The following PPP1R9A variants were observed in gnomAD, a reference collection of about 807,000 sequenced individuals.
PPP1R9A encodes the protein protein phosphatase 1 regulatory subunit 9A.
A neutral mutation model predicts 141.9 loss-of-function variants in PPP1R9A; 59 were observed. The observed-to-expected ratio is 0.42, with a 90% CI of 0.34 to 0.52. The LOEUF (loss-of-function observed/expected upper bound fraction) is 0.52, where lower values mean the gene tolerates loss of function less well. Among genes scored for constraint, PPP1R9A ranks in the 20% least tolerant of loss-of-function variants. PPP1R9A has a pLI of 0.10. For synonymous variants in PPP1R9A, 500 were observed against 569.7 expected, an observed-to-expected ratio of 0.88 and a Z score of 1.74; for missense variants, 1,444 against 1,611.9, an observed-to-expected ratio of 0.90 and a Z score of 1.78.
At chr7:95,031,918 C>G (rs1453933565) in intron 2 of PPP1R9A, among the ~76,000 whole-genome samples, 1 of 152,170 alleles carries the variant, frequency 6.6e-6, no homozygotes, top group East Asian at 1.9e-4. Context: ...GTCAGTCACT[C>G]AGCTAGTAAA....
chr7:95,195,092 C>A (rs1366739195), intron 5 of PPP1R9A, among the ~76,000 whole-genome samples: 1 of 152,050 alleles, frequency 6.6e-6, no homozygotes, highest in Non-Finnish European at 1.5e-5. Flanking sequence ...TGAAACAATT[C>A]ATTATCCATT....
chr7:95,146,810 T>G (rs147865236), intron 4 of PPP1R9A, among the ~76,000 whole-genome samples: 1 of 152,142 alleles, frequency 6.6e-6, no homozygotes, highest in Non-Finnish European at 1.5e-5. Context: ...TGGTTGTAGA[T>G]GTGTGGTGTT....
At chr7:95,046,488 A>G (rs1267380475) in intron 2 of PPP1R9A, among the ~76,000 whole-genome samples, 1 of 152,100 alleles carries the variant, frequency 6.6e-6, no homozygotes, top group African/African-American at 2.4e-5. Context: ...AACCTTTTGG[A>G]CTCTGCTATT....
At chr7:95,032,762 A>G (rs1033565704) in intron 2 of PPP1R9A, among the ~76,000 whole-genome samples, 1 of 152,210 alleles carries the variant, frequency 6.6e-6, no homozygotes, top group African/African-American at 2.4e-5. Flanking sequence ...ATTACAAAAT[A>G]TATACAAAAG....
intron 2 of PPP1R9A, among the ~76,000 whole-genome samples, chr7:95,094,436 G>T (rs1186433453): frequency 1.3e-5 from 2 of 152,150 alleles, no homozygotes; most frequent in East Asian, 3.9e-4. Context: ...CCGTCTTCCA[G>T]TGCTGTTTCC....
At chr7:94,920,658 A>G (rs1236980195) in intron 2 of PPP1R9A, among the ~76,000 whole-genome samples, 1 of 152,204 alleles carries the variant, frequency 6.6e-6, no homozygotes, top group African/African-American at 2.4e-5. Flanking sequence ...TGCCGGGGAA[A>G]GCTAATCTTC....
At chr7:95,023,571 T>G (rs1467344368) in intron 2 of PPP1R9A, among the ~76,000 whole-genome samples, 3 of 152,100 alleles carry the variant, frequency 2.0e-5, no homozygotes, top group Non-Finnish European at 4.4e-5. Context: ...TTTGTTTGTT[T>G]GAGATGGAGT....
chr7:95,059,395 T>A (rs1343148858), intron 2 of PPP1R9A, among the ~76,000 whole-genome samples: 1 of 152,150 alleles, frequency 6.6e-6, no homozygotes, highest in Non-Finnish European at 1.5e-5. Flanking sequence ...AGCTTTTTAG[T>A]CCTGTGAAAA....
At chr7:95,030,762 T>G (rs1807559318) in intron 2 of PPP1R9A, among the ~76,000 whole-genome samples, 1 of 152,154 alleles carries the variant, frequency 6.6e-6, no homozygotes, top group Non-Finnish European at 1.5e-5. Flanking sequence ...TGAAGTCAGA[T>G]CCACTAAATC....
Position 95,292,218 on chromosome 7 carries a change from TTTG to T in PPP1R9A, c.*1918_*1920del, listed in dbSNP as rs1315973453. The T allele has an allele frequency of 6.6e-6, 1 of 152,438 alleles. No homozygotes were observed. Among genetic ancestry groups the T allele is most frequent in the Non-Finnish European group, 1.5e-5 (1 of 68,026 alleles). 9.4% of individuals were successfully genotyped at this position (152,438 alleles called of 1,614,324 possible). A position where few individuals can be genotyped will look rare whatever the true frequency, so the allele number is the denominator to read the frequency against. ...ATTAATGTCTTGAGATGTCTGGTGC[TTTG>T]TTATTTTTTCACATCATGAGAAATA... On this transcript the variant is annotated 3_prime_UTR_variant, in exon 20 of 20. Coordinates refer to ENST00000433360, the MANE Select transcript of PPP1R9A (RefSeq NM_001166160.2).
intron 2 of PPP1R9A, among the ~76,000 whole-genome samples, chr7:94,995,677 T>C (rs534181102): frequency 1.3e-5 from 2 of 152,210 alleles, no homozygotes; most frequent in Non-Finnish European, 2.9e-5. Context: ...CCCATACCTC[T>C]ACTTAATTTT....
intron 2 of PPP1R9A, among the ~76,000 whole-genome samples, chr7:94,944,443 C>G (rs555178090): frequency 1.4e-5 from 2 of 144,884 alleles, no homozygotes; most frequent in Admixed American, 6.9e-5. Context: ...GTAGAAATAT[C>G]CACCCCCCCA....
chr7:95,244,764 CAT>C (rs796347519), intron 8 of PPP1R9A, among the ~76,000 whole-genome samples: 58 of 152,206 alleles, frequency 3.8e-4, no homozygotes, highest in African/African-American at 1.4e-3. Context: ...CTGGGGTAAT[CAT>C]ATTTGAGTTA....
intron 2 of PPP1R9A, among the ~76,000 whole-genome samples, chr7:94,946,982 C>G (rs1041859592): frequency 6.6e-6 from 1 of 152,074 alleles, no homozygotes; most frequent in Non-Finnish European, 1.5e-5. Flanking sequence ...ATTTTGCATT[C>G]TATTATTTGT....
rs189486190 is a variant in PPP1R9A, at chr7:95,229,378, C to T, written c.2112+3262C>T. Among the ~76,000 whole-genome samples the T allele has an allele frequency of 2.5e-3, 382 of 151,958 alleles. 11 individuals carry two copies. The highest frequency in any genetic ancestry group is 0.023 in the Admixed American group (345 of 15,250). The stretch of plus-strand genomic sequence containing the variant: ...TCGTGATTTAGGGTGAGTTCTCAGC[C>T]CTGGTCATAAGCTGCCTGGAAATAG... On this transcript the variant is annotated intron_variant, in intron 8 of 19. Transcript: ENST00000433360.
Position 94,946,027 on chromosome 7 carries a change from T to A in PPP1R9A, c.1395+34519T>A, listed in dbSNP as rs914195665. On this transcript the variant is annotated intron_variant, in intron 2 of 19. Transcript: ENST00000433360. The stretch of plus-strand genomic sequence containing the variant: ...GATTTTAAGCTTTGATTAGAAAGAT[T>A]TGAAAATTTATTGTGATTAAAGATA... Among the ~76,000 whole-genome samples, 6 of 152,084 alleles carry A rather than the reference T, an allele frequency of 3.9e-5. No homozygotes were observed. The East Asian group carries it at 7.7e-4, about 20-fold the overall frequency.
intron 2 of PPP1R9A, among the ~76,000 whole-genome samples, chr7:95,070,682 G>A (rs1482789122): frequency 1.3e-5 from 2 of 148,934 alleles, no homozygotes; most frequent in African/African-American, 2.5e-5. Flanking sequence ...TCATGTACTT[G>A]TAAAATTCTA....
At chr7:95,130,949 T>C (rs1427717543) in intron 4 of PPP1R9A, among the ~76,000 whole-genome samples, 1 of 152,214 alleles carries the variant, frequency 6.6e-6, no homozygotes, top group Non-Finnish European at 1.5e-5. Context: ...CAGAAGGGAC[T>C]TGCCTTGTCT....
intron 18 of PPP1R9A, chr7:95,286,965 C>CTTTTTTTTTTTTTTTTT: frequency 1.3e-6 from 1 of 762,478 alleles, no homozygotes; most frequent in African/African-American, 1.8e-5. Flanking sequence ...ATTCACAAAA[C>CTTTTTTTTTTTTTTTTT]TTTTTTTTTT....
Sources: gnomAD v4.1 joint callset for allele counts (sites outside exome capture counted in the v4.1 genomes callset) on GRCh38, gnomAD v4.1.1 for gene constraint, MANE v1.5 for transcripts, NCBI Gene and HGNC (gene_info 2026-07-23, HGNC 2026-07-21) for gene names.